Variants in BPIFB4 observed in about 807,000 individuals in gnomAD.
The protein encoded by BPIFB4 is BPI fold-containing family B member 4.
A neutral mutation model predicts 69.2 loss-of-function variants in BPIFB4; 62 were observed. The observed-to-expected ratio is 0.90, with a 90% CI of 0.73 to 1.11. BPIFB4 has a LOEUF of 1.11. Ranked by LOEUF, BPIFB4 falls within the 50% of genes least tolerant of loss-of-function variation. BPIFB4 has a pLI of 0.00. For missense variants in BPIFB4, 789 were observed against 792.0 expected (o/e 1.00, Z 0.04); for synonymous variants, 330 against 332.7 (o/e 0.99, Z 0.09).
chr20:33,109,689 C>T (rs1466727958), intron 17 of BPIFB4, among the ~76,000 whole-genome samples: 5 of 152,076 alleles, frequency 3.3e-5, no homozygotes, highest in African/African-American at 1.2e-4. Context: ...TTTTCTTTCT[C>T]CTTCATATTC....
intron 11 of BPIFB4, among the ~76,000 whole-genome samples, chr20:33,093,222 C>A (rs528198011): frequency 1.3e-5 from 2 of 152,212 alleles, no homozygotes; most frequent in South Asian, 4.1e-4. Flanking sequence ...CTCCTACCCA[C>A]CCACTCCTCC....
intron 12 of BPIFB4, among the ~76,000 whole-genome samples, chr20:33,095,691 T>C (rs1282844132): frequency 1.3e-5 from 2 of 152,160 alleles, no homozygotes; most frequent in African/African-American, 4.8e-5. Flanking sequence ...AGTTTTCTCA[T>C]CTGGAAAACG....
At chr20:33,100,516 G>A (rs1981880084) in intron 14 of BPIFB4, 23 bp downstream of exon 14, 19 of 1,591,308 alleles carry the variant, frequency 1.2e-5, no homozygotes, top group Non-Finnish European at 1.6e-5. Flanking sequence ...GCTGCCTTGG[G>A]GTCCTGACGG....
intron 14 of BPIFB4, among the ~76,000 whole-genome samples, chr20:33,102,125 A>G (rs1028757080): frequency 3.3e-5 from 5 of 152,212 alleles, no homozygotes; most frequent in African/African-American, 9.6e-5. Flanking sequence ...TCCTGCAGGG[A>G]GAGCAGCATG....
rs142290978 is a variant in BPIFB4 at position 33,107,076 on chromosome 20, C to T, written c.1745-668C>T. 5.1e-4 allele frequency among the ~76,000 whole-genome samples: 77 copies of T among 152,010 alleles called. 1 individual carries two copies. The highest frequency in any genetic ancestry group is 1.6e-3 in the African/African-American group (68 of 41,472). On this transcript the variant is annotated intron_variant, in intron 16 of 17. Coordinates refer to ENST00000375483, the MANE Select transcript of BPIFB4 (RefSeq NM_182519.3). ...AAAATTAGCTGGGCGTGGTGGCGCA[C>T]GCCTGTAGTCCCAGTTACTCAGGAG...
Position 33,090,637 on chromosome 20 carries a change from C to T in BPIFB4, c.1052-71C>T, listed in dbSNP as rs558901141. On this transcript the variant is annotated intron_variant, in intron 9 of 17. Transcript: ENST00000375483. ...TGGGCCTACCTTGTCCATCCCCAGCCCCAGTGTATGAGGAGGGAAGGCATC... is the reference window on the plus strand; with the variant it reads ...TGGGCCTACCTTGTCCATCCCCAGCTCCAGTGTATGAGGAGGGAAGGCATC... 3,465 of 1,591,696 alleles carry T rather than the reference C, an allele frequency of 2.2e-3. 11 individuals carry two copies. Among genetic ancestry groups the T allele is most frequent in the Non-Finnish European group, 2.1e-3 (2,484 of 1,164,264 alleles).
At chr20:33,090,415 A>G (rs548569570) in intron 9 of BPIFB4, among the ~76,000 whole-genome samples, 1 of 152,142 alleles carries the variant, frequency 6.6e-6, no homozygotes, top group Non-Finnish European at 1.5e-5. Context: ...TACAAAGCTC[A>G]TCAACATCCA....
At chr20:33,092,145 TGGTCTTTAGA>T (rs1172934881) in intron 10 of BPIFB4, among the ~76,000 whole-genome samples, 2 of 152,138 alleles carry the variant, frequency 1.3e-5, no homozygotes, top group Non-Finnish European at 2.9e-5. Flanking sequence ...GAGAGGAGTC[TGGTCTTTAGA>T]GGGTAGATAT....
At position 33,083,835 on chromosome 20, in the gene BPIFB4, G is replaced by A. The variant is rs1207166740; in HGVS notation, c.638G>A (p.Gly213Asp). The A allele has an allele frequency of 1.9e-6, 3 of 1,613,326 alleles. No individual in the cohort carries two copies. The highest frequency in any genetic ancestry group is 1.1e-5 in the South Asian group (1 of 91,050). ...LGGGGVLGVL[G>D]EGGILSTVQG... ...GGAGGGGGTGTCCTGGGCGTGCTCG[G>A]CGAGGGTGGCATCCTCAGCACTGTG... Residue 213 changes from glycine (G) to aspartate (D), a missense_variant, in exon 5 of 18, where the codon GGC (glycine) becomes GAC (aspartate). By Grantham distance (94) the Gly-to-Asp change is moderately conservative. Coordinates refer to ENST00000375483, the MANE Select transcript of BPIFB4 (RefSeq NM_182519.3).
rs114352358 is a variant in BPIFB4 at position 33,106,670 on chromosome 20, G to T, written c.1745-1074G>T. Among the ~76,000 whole-genome samples, 70 of 152,280 alleles carry T rather than the reference G, an allele frequency of 4.6e-4. No homozygotes were observed. The South Asian group carries it at 6.4e-3, about 14-fold the overall frequency. On this transcript the variant is annotated intron_variant, in intron 16 of 17. Coordinates refer to ENST00000375483, the MANE Select transcript of BPIFB4 (RefSeq NM_182519.3). The stretch of plus-strand genomic sequence containing the variant: ...TTCTTGCCTTCAGGGAACTCACAAT[G>T]TGGTGGGCGTGACAGATACAGAAAC...
At chr20:33,091,346 C>G (rs765280732) in intron 10 of BPIFB4, among the ~76,000 whole-genome samples, 1 of 152,200 alleles carries the variant, frequency 6.6e-6, no homozygotes, top group East Asian at 1.9e-4. Flanking sequence ...TTCAAGTTAC[C>G]AACATGACGT....
chr20:33,107,635 C>CA, intron 16 of BPIFB4, 109 bp from the exon 17 acceptor site: 3 of 836,220 alleles, frequency 3.6e-6, no homozygotes, highest in African/African-American at 1.7e-5. Context: ...GACTCTGTCT[C>CA]AAAAAAAGAA....
chr20:33,088,929 T>C, intron 7 of BPIFB4, 37 bp from the exon 8 acceptor site: 1 of 1,612,780 alleles, frequency 6.2e-7, no homozygotes, highest in Non-Finnish European at 8.5e-7. Flanking sequence ...CCCACATGGC[T>C]GCGAGCCTTG....
chr20:33,089,957 G>A (rs1272186161), intron 9 of BPIFB4, among the ~76,000 whole-genome samples: 1 of 152,256 alleles, frequency 6.6e-6, no homozygotes, highest in Non-Finnish European at 1.5e-5. Flanking sequence ...AGGGGTTGGA[G>A]AGTGACTAGC....
At chr20:33,095,540 T>C (rs1045730572) in intron 12 of BPIFB4, among the ~76,000 whole-genome samples, 3 of 152,114 alleles carry the variant, frequency 2.0e-5, no homozygotes, top group Non-Finnish European at 1.5e-5. Flanking sequence ...AGATGATGCA[T>C]GTAAAGGTGT....
Position 33,083,549 on chromosome 20 carries a change from C to T in BPIFB4, c.352C>T (p.Leu118Phe). The change falls in exon 5 of 18, where the codon CTC (leucine) becomes TTC (phenylalanine). Residue 118 changes from leucine (L) to phenylalanine (F), a missense_variant. Physicochemically the swap from Leu to Phe is conservative, Grantham distance 22 (BLOSUM62 0). Around this residue, in one of 3 missense-constraint regions of BPIFB4, gnomAD observed 611 missense variants for 575.4 expected, o/e 1.06. Transcript: ENST00000375483. ...TGAGTCCGAGGGAAGCATCAGGGACCTCCGAAACAGTGGCTATCGCAGTGC... is the reference window on the plus strand; with the variant it reads ...TGAGTCCGAGGGAAGCATCAGGGACTTCCGAAACAGTGGCTATCGCAGTGC... The part of the protein sequence containing the change: ...ILESEGSIRD[L>F]RNSGYRSAEN... 1 of 1,614,020 alleles carries T rather than the reference C, an allele frequency of 6.2e-7. No homozygotes were observed. Among genetic ancestry groups the T allele is most frequent in the African/African-American group, 1.3e-5 (1 of 74,980 alleles).
At position 33,092,679 on chromosome 20, in the gene BPIFB4, G is replaced by C. The variant is rs753871841; in HGVS notation, c.1344+21G>C. On this transcript the variant is annotated intron_variant, in intron 11 of 17. Transcript: ENST00000375483. ...GCATGGTGAGTCACAGCCCCACCAG[G>C]GGGAGGTGGCTGGGCAGCAGACAGC... The C allele has an allele frequency of 1.9e-5, 30 of 1,595,664 alleles. 1 individual carries two copies. The highest frequency in any genetic ancestry group is 1.7e-4 in the African/African-American group (13 of 74,730).
chr20:33,094,986 G>T (rs1600558865), intron 11 of BPIFB4, 114 bp from the exon 12 acceptor site: 2 of 1,052,564 alleles, frequency 1.9e-6, no homozygotes, highest in Middle Eastern at 2.1e-4. Flanking sequence ...GAGAGAAGAC[G>T]AAGACGCCCT....
At chr20:33,110,642 T>G (rs1192477336) in intron 17 of BPIFB4, among the ~76,000 whole-genome samples, 2 of 152,170 alleles carry the variant, frequency 1.3e-5, no homozygotes, top group African/African-American at 4.8e-5. Context: ...GCTTCTCCAA[T>G]TCCTTTGACA....
Sources: gnomAD v4.1 joint callset for allele counts (sites outside exome capture counted in the v4.1 genomes callset) on GRCh38, gnomAD v4.1.1 for gene constraint, gnomAD v4.1.1 regional missense constraint, MANE v1.5 for transcripts, NCBI Gene and HGNC (gene_info 2026-07-23, HGNC 2026-07-21) for gene names.